The following PREX1 variants were observed in gnomAD, a reference collection of about 807,000 sequenced individuals.
PREX1 encodes the protein phosphatidylinositol-3,4,5-trisphosphate dependent Rac exchange factor 1, also known as phosphatidylinositol 3,4,5-trisphosphate-dependent Rac exchanger 1 protein.
A neutral mutation model predicts 198.3 loss-of-function variants in PREX1; 41 were observed. The ratio of observed to expected loss-of-function variants is 0.21; its 90% CI spans 0.16 to 0.27. The LOEUF is 0.27. Ranked by LOEUF, PREX1 falls within the 10% of genes least tolerant of loss-of-function variation. PREX1 has a pLI of 1.00. For missense variants in PREX1, 1,620 were observed against 2,200.7 expected, an observed-to-expected ratio of 0.74 and a Z score of 5.28; for synonymous variants, 843 against 887.2, an observed-to-expected ratio of 0.95 and a Z score of 0.89.
At chr20:48,630,254 C>T (rs184474314) in intron 36 of PREX1, among the ~76,000 whole-genome samples, 10 of 152,324 alleles carry the variant, frequency 6.6e-5, no homozygotes, top group African/African-American at 2.4e-4. Flanking sequence ...ACTATCGAGG[C>T]CCCTCAGAGG....
At chr20:48,697,208 C>T (rs1478784544) in intron 7 of PREX1, among the ~76,000 whole-genome samples, 1 of 152,112 alleles carries the variant, frequency 6.6e-6, no homozygotes. Context: ...AGGCCTTATT[C>T]TAACCACATT....
intron 33 of PREX1, among the ~76,000 whole-genome samples, chr20:48,633,194 A>T (rs1484284111): frequency 1.3e-5 from 2 of 152,212 alleles, no homozygotes; most frequent in African/African-American, 4.8e-5. Context: ...GGAGACAGGC[A>T]GCTGCTGCTG....
intron 15 of PREX1, among the ~76,000 whole-genome samples, chr20:48,663,910 G>GCGCA (rs1555833041): frequency 1.3e-4 from 19 of 150,126 alleles, no homozygotes; most frequent in African/African-American, 3.9e-4. Context: ...GTGAGTGCGC[G>GCGCA]CACACACACA....
chr20:48,758,828 C>T (rs2090166455), intron 1 of PREX1, among the ~76,000 whole-genome samples: 1 of 152,174 alleles, frequency 6.6e-6, no homozygotes, highest in Non-Finnish European at 1.5e-5. Context: ...ACGCCTATCC[C>T]TGCTCTGTTT....
chr20:48,716,837 C>T (rs1039746182), intron 5 of PREX1, among the ~76,000 whole-genome samples: 2 of 152,140 alleles, frequency 1.3e-5, no homozygotes, highest in Non-Finnish European at 2.9e-5. Context: ...ACACACAGGC[C>T]TGAGGCTGCT....
chr20:48,666,601 C>G lies in PREX1; in HGVS notation c.1666-246G>C, dbSNP rs977412285. On this transcript the variant is annotated intron_variant, in intron 14 of 39. Transcript: ENST00000371941. The surrounding 1 kb of genome is among the most constrained non-coding windows in gnomAD (Gnocchi z 4.3). ...AGTGCAGTGGCACGATCTCGGCTTACTGCAAGCTCCACCTCCTGGGTTCAA... is the reference window on the plus strand; with the variant it reads ...AGTGCAGTGGCACGATCTCGGCTTAGTGCAAGCTCCACCTCCTGGGTTCAA... 6.6e-6 allele frequency among the ~76,000 whole-genome samples: 1 copy of G among 152,206 alleles called. No individual in the cohort carries two copies. Among genetic ancestry groups the G allele is most frequent in the Non-Finnish European group, 1.5e-5 (1 of 68,040 alleles).
chr20:48,657,048 C>T lies in PREX1; in HGVS notation c.2115G>A (p.Lys705=). The change falls in exon 18 of 40, where the codon AAG becomes AAA. Residue 705 remains lysine, a synonymous_variant. Transcript: ENST00000371941. ...RRPLRLLVAT[K]AKEIIKIPDQ... is the part of the protein sequence containing the mutation. ...CGCCCTGGGACACTCACTCTTTGGC[C>T]TTCGTGGCCACCAGGAGGCGCAGAG... The T allele has an allele frequency of 6.3e-7, 1 of 1,592,334 alleles. No homozygotes were observed. The highest frequency in any genetic ancestry group is 8.6e-7 in the Non-Finnish European group (1 of 1,168,456).
At chr20:48,832,221 C>T (rs775102733), upstream of PREX1, among the ~76,000 whole-genome samples, 2 of 151,932 alleles carry the variant, frequency 1.3e-5, no homozygotes, top group Non-Finnish European at 2.9e-5. Flanking sequence ...ATGTACTTTG[C>T]AAATAGTGGG....
Position 48,642,272 on chromosome 20 carries a change from A to C in PREX1, c.3685-14T>G, listed in dbSNP as rs765802679. 5 of 1,613,958 alleles carry C rather than the reference A, an allele frequency of 3.1e-6. No homozygotes were observed. In the South Asian group the frequency reaches 5.5e-5, roughly 18 times the overall value. On this transcript the variant is annotated splice_polypyrimidine_tract_variant and intron_variant, in intron 28 of 39. Transcript: ENST00000371941. ...GATGGAGTCCACCTGGGTGGCAAGA[A>C]GCCTGGGGTTGGTTTGGGCCCCGTG...
chr20:48,667,995 C>T (rs948528314), intron 14 of PREX1, among the ~76,000 whole-genome samples: 2 of 152,174 alleles, frequency 1.3e-5, no homozygotes, highest in Admixed American at 1.3e-4. Context: ...GCCAGTTCTT[C>T]CTAAGGCCTC....
chr20:48,741,521 G>A (rs372099111), intron 3 of PREX1, among the ~76,000 whole-genome samples: 3 of 152,082 alleles, frequency 2.0e-5, no homozygotes, highest in South Asian at 2.1e-4. Flanking sequence ...TACCATGCCC[G>A]GCTAAGGGGC....
intron 33 of PREX1, among the ~76,000 whole-genome samples, chr20:48,633,363 G>C (rs2089331115): frequency 6.6e-6 from 1 of 152,228 alleles, no homozygotes; most frequent in South Asian, 2.1e-4. Context: ...AATAAGCACA[G>C]ATGCACAGAT....
intron 6 of PREX1, among the ~76,000 whole-genome samples, chr20:48,706,564 C>T (rs2089903623): frequency 6.6e-6 from 1 of 152,136 alleles, no homozygotes; most frequent in African/African-American, 2.4e-5. Flanking sequence ...AGAGATCTCC[C>T]CACTAACTAC....
the PREX1 span, among the ~76,000 whole-genome samples, chr20:48,868,954 G>A: frequency 6.6e-6 from 1 of 151,762 alleles, no homozygotes; most frequent in Non-Finnish European, 1.5e-5. Context: ...AGAGCTCATT[G>A]CAGCCTCGAC....
intron 8 of PREX1, chr20:48,692,398 C>A: frequency 3.2e-6 from 1 of 313,548 alleles, no homozygotes; most frequent in Non-Finnish European, 5.9e-6. Flanking sequence ...CTTTAAAAAG[C>A]AAGAAAATGA....
chr20:48,677,103 C>A (rs116499125), intron 13 of PREX1, among the ~76,000 whole-genome samples: 3 of 152,196 alleles, frequency 2.0e-5, no homozygotes, highest in Admixed American at 2.0e-4. Context: ...TGGAGGATTT[C>A]TCTCAGGCTT....
chr20:48,655,470 G>A (rs572425059), intron 18 of PREX1, 95 bp from the exon 19 acceptor site: 18 of 1,081,874 alleles, frequency 1.7e-5, no homozygotes, highest in African/African-American at 1.2e-4. Flanking sequence ...TTCTGCCTTG[G>A]AAACACTGGG....
chr20:48,772,635 C>A (rs1256220790), intron 1 of PREX1, among the ~76,000 whole-genome samples: 1 of 152,188 alleles, frequency 6.6e-6, no homozygotes. Flanking sequence ...GTATACAAAT[C>A]GCTTCATGTC....
the PREX1 span, among the ~76,000 whole-genome samples, chr20:48,847,364 T>TA: frequency 0.04 from 3,090 of 77,170 alleles, 68 homozygotes; most frequent in South Asian, 0.075. Context: ...CCTTCTCTTA[T>TA]AAAAAAAAAA....
Sources: gnomAD v4.1 joint callset for allele counts (sites outside exome capture counted in the v4.1 genomes callset) on GRCh38, gnomAD v4.1.1 for gene constraint, Gnocchi (gnomAD v3.1) non-coding constraint, MANE v1.5 for transcripts, NCBI Gene and HGNC (gene_info 2026-07-23, HGNC 2026-07-21) for gene names.